Variants in GRM5 observed in about 807,000 individuals in gnomAD.
The protein encoded by GRM5 is glutamate metabotropic receptor 5.
Under a neutral mutation model 83.1 loss-of-function variants are expected in GRM5, and 19 were observed. The ratio of observed to expected loss-of-function variants is 0.23; its 90% CI spans 0.16 to 0.34. GRM5 has a LOEUF of 0.34. Ranked by LOEUF, GRM5 falls within the 10% of genes least tolerant of loss-of-function variation. The probability of loss-of-function intolerance (pLI) is 1.00; values close to 1 mark genes in which losing one functional copy is unlikely to be tolerated. For synonymous variants in GRM5, 675 were observed against 633.6 expected (o/e 1.07, Z -0.98); for missense variants, 1,160 against 1,588.3 (o/e 0.73, Z 4.58).
intron 2 of GRM5, among the ~76,000 whole-genome samples, chr11:88,984,349 T>C (rs745483188): frequency 1.5e-4 from 23 of 152,194 alleles, no homozygotes; most frequent in Non-Finnish European, 2.9e-4. Context: ...TTTGTTACAA[T>C]TGCCTATAGT....
chr11:88,508,821 C>T lies in GRM5; in HGVS notation c.3410G>A (p.Gly1137Glu), dbSNP rs1941260086. Residue 1137 changes from glycine (G) to glutamate (E), a missense_variant, in exon 10 of 10, where the codon GGG becomes GAG. This residue lies in a region of GRM5 where 562 missense variants were observed against 532.4 expected (regional missense o/e 1.06). Coordinates refer to ENST00000305447, the MANE Select transcript of GRM5 (RefSeq NM_001143831.3). This position sits in a 1 kb window ranked among gnomAD's most constrained non-coding sequence, Gnocchi z 4.2. ...CGCGGGGCTCTCCCGGGCCGCGTCC[C>T]CAGCCGCCTGCGCCCCTGCCGCGGG... The part of the protein sequence containing the change: ...AQPAAGAQAA[G>E]DAARESPAAG... The T allele has an allele frequency of 4.6e-6, 7 of 1,531,750 alleles. No homozygotes were observed. The highest frequency in any genetic ancestry group is 2.8e-5 in the African/African-American group (2 of 70,272). The allele number at this position is 1,531,750 out of a possible 1,614,324, so 94.9% of individuals were successfully genotyped here.
At chr11:88,547,557 TA>T (rs1487330783) in intron 8 of GRM5, among the ~76,000 whole-genome samples, 2 of 152,188 alleles carry the variant, frequency 1.3e-5, no homozygotes, top group African/African-American at 4.8e-5. Flanking sequence ...ATTATTCTTG[TA>T]CTCAAGGCTA....
intron 2 of GRM5, among the ~76,000 whole-genome samples, chr11:88,901,479 C>T (rs976455314): frequency 2.6e-5 from 4 of 152,094 alleles, no homozygotes; most frequent in African/African-American, 9.7e-5. Context: ...TCCCTGAAGT[C>T]GTTTCCAGCC....
At chr11:88,678,029 C>G (rs180843371) in intron 3 of GRM5, among the ~76,000 whole-genome samples, 3 of 149,364 alleles carry the variant, frequency 2.0e-5, no homozygotes, top group Non-Finnish European at 4.4e-5. Context: ...AGATTACAAA[C>G]GTGATGCATT....
chr11:88,988,291 G>C (rs1005066375), intron 2 of GRM5, among the ~76,000 whole-genome samples: 1 of 151,736 alleles, frequency 6.6e-6, no homozygotes, highest in East Asian at 1.9e-4. Flanking sequence ...GAAATGAAGC[G>C]AGAAGGGAAG....
chr11:88,688,137 T>C (rs777939039), intron 3 of GRM5, among the ~76,000 whole-genome samples: 7 of 152,192 alleles, frequency 4.6e-5, no homozygotes, highest in Non-Finnish European at 1.0e-4. Flanking sequence ...AGTGTGATTA[T>C]AGTCCTGTAA....
chr11:88,838,296 C>T (rs1944131167), intron 3 of GRM5, among the ~76,000 whole-genome samples: 1 of 152,080 alleles, frequency 6.6e-6, no homozygotes, highest in Non-Finnish European at 1.5e-5. Context: ...CAGCTTCATT[C>T]CACTATCTTC....
At chr11:88,777,898 G>C (rs527637799) in intron 3 of GRM5, among the ~76,000 whole-genome samples, 29 of 152,252 alleles carry the variant, frequency 1.9e-4, no homozygotes, top group African/African-American at 6.7e-4. Context: ...TCCCAGTTAG[G>C]CTACACAGGG....
intron 2 of GRM5, among the ~76,000 whole-genome samples, chr11:88,875,940 C>A (rs543006911): frequency 6.6e-6 from 1 of 152,124 alleles, no homozygotes; most frequent in African/African-American, 2.4e-5. Context: ...TAGCATAGCT[C>A]TTAAGGGCCT....
intron 8 of GRM5, 103 bp downstream of exon 8, chr11:88,566,950 G>A: frequency 1.4e-6 from 1 of 722,860 alleles, no homozygotes; most frequent in Non-Finnish European, 2.3e-6. Flanking sequence ...TGCCTCACAT[G>A]GTTTCATTTA....
chr11:88,890,162 C>A (rs1181412312), intron 2 of GRM5, among the ~76,000 whole-genome samples: 1 of 151,870 alleles, frequency 6.6e-6, no homozygotes, highest in Admixed American at 6.6e-5. Context: ...ATGATACTCC[C>A]ATGGGGGATA....
intron 4 of GRM5, among the ~76,000 whole-genome samples, chr11:88,652,546 G>A (rs137865006): frequency 1.3e-5 from 2 of 152,156 alleles, no homozygotes; most frequent in South Asian, 2.1e-4. Flanking sequence ...TTTGAGGGCA[G>A]GAACTAGCTT....
chr11:88,689,975 A>T (rs1362806106), intron 3 of GRM5, among the ~76,000 whole-genome samples: 1 of 152,104 alleles, frequency 6.6e-6, no homozygotes, highest in African/African-American at 2.4e-5. Flanking sequence ...AGACATTGTC[A>T]TAGGTACTGG....
At chr11:88,713,935 T>G in intron 3 of GRM5, among the ~76,000 whole-genome samples, 1 of 151,994 alleles carries the variant, frequency 6.6e-6, no homozygotes, top group East Asian at 1.9e-4. Context: ...GCAAAATATA[T>G]TTCAAGGACT....
Position 88,567,374 on chromosome 11 carries a change from T to C in GRM5, c.2309A>G (p.Glu770Gly). 1 of 1,614,162 alleles carries C rather than the reference T, an allele frequency of 6.2e-7. No individual in the cohort carries two copies. The highest frequency in any genetic ancestry group is 8.5e-7 in the Non-Finnish European group (1 of 1,179,976). The change falls in exon 8 of 10, where the codon GAG becomes GGG. Residue 770 changes from glutamate (E) to glycine (G), a missense_variant. Glu to Gly is a moderately conservative substitution (Grantham distance 98, BLOSUM62 -2). Around this residue, in one of 9 missense-constraint regions of GRM5, gnomAD observed 66 missense variants for 138.6 expected, o/e 0.48. Coordinates refer to ENST00000305447, the MANE Select transcript of GRM5 (RefSeq NM_001143831.3). This position sits in a 1 kb window ranked among gnomAD's most constrained non-coding sequence, Gnocchi z 7.3. The stretch of plus-strand genomic sequence containing the variant: ...CATTGTGAAGGCGATATACTTGGCC[T>C]CGTTGAAGTTAGCTGGAACATTTCT... Reference protein sequence around the residue: ...KTRNVPANFNEAKYIAFTMYT... With the variant: ...KTRNVPANFNGAKYIAFTMYT...
At chr11:88,895,168 A>G (rs1349002267) in intron 2 of GRM5, among the ~76,000 whole-genome samples, 1 of 151,982 alleles carries the variant, frequency 6.6e-6, no homozygotes, top group Non-Finnish European at 1.5e-5. Flanking sequence ...AAAAAAGTAA[A>G]CTAATTAAAA....
At position 88,621,729 on chromosome 11, in the gene GRM5, G is replaced by A. The variant is rs760205091; in HGVS notation, c.1148-16765C>T. On this transcript the variant is annotated intron_variant, in intron 4 of 9. Transcript: ENST00000305447. ...TAAGAGATGCAAAAAATTTAAGTTC[G>A]TTCAAGATTTTATTTCTAATTAAAA... Among the ~76,000 whole-genome samples, 29 of 152,146 alleles carry A rather than the reference G, an allele frequency of 1.9e-4. No individual in the cohort carries two copies. The East Asian group carries it at 2.9e-3, about 15-fold the overall frequency.
intron 2 of GRM5, among the ~76,000 whole-genome samples, chr11:88,929,557 C>T (rs984228586): frequency 2.6e-5 from 4 of 151,970 alleles, no homozygotes; most frequent in African/African-American, 4.8e-5. Flanking sequence ...ACGAAAAGTC[C>T]GGCAACAGAA....
At chr11:89,031,368 G>C (rs1467990724) in intron 2 of GRM5, among the ~76,000 whole-genome samples, 1 of 151,454 alleles carries the variant, frequency 6.6e-6, no homozygotes, top group African/African-American at 2.4e-5. Flanking sequence ...TGTTTTTGTT[G>C]TTATTAAGTT....
Sources: gnomAD v4.1 joint callset for allele counts (sites outside exome capture counted in the v4.1 genomes callset) on GRCh38, gnomAD v4.1.1 for gene constraint, gnomAD v4.1.1 regional missense constraint, Gnocchi (gnomAD v3.1) non-coding constraint, MANE v1.5 for transcripts, NCBI Gene and HGNC (gene_info 2026-07-23, HGNC 2026-07-21) for gene names.